Variants in FUT8 observed in about 807,000 individuals in gnomAD.
FUT8 encodes the protein fucosyltransferase 8.
A neutral mutation model predicts 71.3 loss-of-function variants in FUT8; 29 were observed. The observed-to-expected ratio is 0.41, with a 90% CI of 0.30 to 0.55. The LOEUF (loss-of-function observed/expected upper bound fraction) is 0.55. FUT8 is among the 20% of genes least tolerant of loss of function. The pLI, the probability that FUT8 is intolerant of heterozygous loss-of-function variation, is 0.34. For synonymous variants in FUT8, 254 were observed against 239.3 expected (o/e 1.06, Z -0.57); for missense variants, 544 against 702.1 (o/e 0.77, Z 2.55).
intron 1 of FUT8, among the ~76,000 whole-genome samples, chr14:65,423,160 AT>A (rs1427878198): frequency 1.4e-5 from 2 of 144,930 alleles, no homozygotes; most frequent in African/African-American, 2.6e-5. Context: ...TAATTTTTGT[AT>A]TTTTTGTAGA....
intron 6 of FUT8, among the ~76,000 whole-genome samples, chr14:65,640,326 A>C (rs1218237406): frequency 6.6e-6 from 1 of 152,054 alleles, no homozygotes; most frequent in Non-Finnish European, 1.5e-5. Context: ...AGTTTTATAA[A>C]ATTATAGTTA....
At chr14:65,507,666 T>G (rs1160984423) in intron 2 of FUT8, among the ~76,000 whole-genome samples, 1 of 152,248 alleles carries the variant, frequency 6.6e-6, no homozygotes, top group African/African-American at 2.4e-5. Flanking sequence ...TACTCCACTG[T>G]GTATATGTAC....
At chr14:65,683,720 G>A (rs1365754630) in intron 7 of FUT8, among the ~76,000 whole-genome samples, 2 of 151,998 alleles carry the variant, frequency 1.3e-5, no homozygotes, top group Non-Finnish European at 2.9e-5. Context: ...AAATATTCCA[G>A]ACACCAAAAA....
chr14:65,665,271 C>A (rs965399198), intron 6 of FUT8, among the ~76,000 whole-genome samples: 1 of 152,088 alleles, frequency 6.6e-6, no homozygotes, highest in African/African-American at 2.4e-5. Flanking sequence ...TAGAGTTTTT[C>A]TTTTAAGATA....
chr14:65,668,663 C>A (rs768007941), intron 6 of FUT8, among the ~76,000 whole-genome samples: 1 of 152,158 alleles, frequency 6.6e-6, no homozygotes. Context: ...TTTGACCCCG[C>A]AATCCCGTTT....
the FUT8 span, among the ~76,000 whole-genome samples, chr14:65,398,818 A>T: frequency 6.6e-6 from 1 of 152,168 alleles, no homozygotes; most frequent in Non-Finnish European, 1.5e-5. Flanking sequence ...TTTCATCTGC[A>T]TGTGACACTA....
rs1454458418 is a variant in FUT8 at position 65,550,378 on chromosome 14, A to G, written c.-227-10959A>G. ...CTTAGCCTACCTTAAATGTGCCCAGAACACTTATATTAGCCTACAGTTGGA... is the reference window on the plus strand; with the variant it reads ...CTTAGCCTACCTTAAATGTGCCCAGGACACTTATATTAGCCTACAGTTGGA... On this transcript the variant is annotated intron_variant, in intron 2 of 10. Coordinates refer to ENST00000673929, the MANE Select transcript of FUT8 (RefSeq NM_001371533.1). This position sits in a 1 kb window ranked among gnomAD's most constrained non-coding sequence, Gnocchi z 4.5. Among the ~76,000 whole-genome samples, 1 of 152,210 alleles carries G rather than the reference A, an allele frequency of 6.6e-6. No homozygotes were observed. The highest frequency in any genetic ancestry group is 1.5e-5 in the Non-Finnish European group (1 of 68,028).
At chr14:65,690,964 G>A (rs1893550727) in intron 7 of FUT8, among the ~76,000 whole-genome samples, 1 of 144,934 alleles carries the variant, frequency 6.9e-6, no homozygotes, top group South Asian at 2.1e-4. Context: ...GACCTCAGGT[G>A]ATCTACCTGC....
intron 7 of FUT8, among the ~76,000 whole-genome samples, chr14:65,684,165 AT>A (rs1257354618): frequency 1.3e-5 from 2 of 152,066 alleles, no homozygotes; most frequent in African/African-American, 2.4e-5. Flanking sequence ...GACTTCTACT[AT>A]AATAACTATA....
chr14:65,687,954 T>C (rs937381470), intron 7 of FUT8, among the ~76,000 whole-genome samples: 5 of 152,226 alleles, frequency 3.3e-5, no homozygotes, highest in Non-Finnish European at 7.3e-5. Context: ...GGTCATGAAC[T>C]CCTGGCTTGA....
chr14:65,641,854 T>C (rs1305101619), intron 6 of FUT8, among the ~76,000 whole-genome samples: 1 of 151,988 alleles, frequency 6.6e-6, no homozygotes, highest in Non-Finnish European at 1.5e-5. Flanking sequence ...TTAAATCTTC[T>C]GCCTATTTTT....
At chr14:65,389,951 G>A in the FUT8 span, among the ~76,000 whole-genome samples, 2,700 of 151,156 alleles carry the variant, frequency 0.018, 82 homozygotes, top group African/African-American at 0.062. Flanking sequence ...GACCATCCTG[G>A]CCAACATGGT....
intron 2 of FUT8, among the ~76,000 whole-genome samples, chr14:65,499,223 A>AT (rs1236374928): frequency 1.3e-5 from 2 of 151,690 alleles, no homozygotes; most frequent in East Asian, 1.9e-4. Flanking sequence ...ACCTGGCTGA[A>AT]TTTTTTTTTA....
At chr14:65,701,651 G>A (rs1443010002) in intron 7 of FUT8, among the ~76,000 whole-genome samples, 1 of 152,150 alleles carries the variant, frequency 6.6e-6, no homozygotes, top group Non-Finnish European at 1.5e-5. Flanking sequence ...GGGGATCCCA[G>A]TATGAACCCA....
intron 2 of FUT8, among the ~76,000 whole-genome samples, chr14:65,485,471 G>C (rs1426764612): frequency 6.6e-6 from 1 of 152,118 alleles, no homozygotes; most frequent in African/African-American, 2.4e-5. Flanking sequence ...TCACTACTGA[G>C]GCAAGACCTT....
At chr14:65,442,106 C>T (rs1194571021) in intron 1 of FUT8, among the ~76,000 whole-genome samples, 1 of 151,792 alleles carries the variant, frequency 6.6e-6, no homozygotes, top group Non-Finnish European at 1.5e-5. Flanking sequence ...CAGAGGGCTC[C>T]CTAGATAATT....
rs370301992 is a variant in FUT8 at position 65,652,671 on chromosome 14, A to G, written c.598-16572A>G. On this transcript the variant is annotated intron_variant, in intron 6 of 10. Coordinates refer to ENST00000673929, the MANE Select transcript of FUT8 (RefSeq NM_001371533.1). The surrounding 1 kb of genome is among the most constrained non-coding windows in gnomAD (Gnocchi z 4.0). ...TTTTTTTTTAAATACAACCAAAAGC[A>G]GTCTTAACTGATGCACAAGCCAGGT... Among the ~76,000 whole-genome samples, 135 of 152,142 alleles carry G rather than the reference A, an allele frequency of 8.9e-4. 1 individual carries two copies. Among genetic ancestry groups the G allele is most frequent in the South Asian group, 4.6e-3 (22 of 4,822 alleles).
intron 1 of FUT8, among the ~76,000 whole-genome samples, chr14:65,427,351 A>C (rs946055576): frequency 2.6e-5 from 4 of 152,146 alleles, no homozygotes; most frequent in African/African-American, 9.7e-5. Flanking sequence ...TATTTTTAAT[A>C]TTTTGAGGAA....
chr14:65,547,272 T>C (rs1326580335), intron 2 of FUT8, among the ~76,000 whole-genome samples: 1 of 151,690 alleles, frequency 6.6e-6, no homozygotes, highest in Non-Finnish European at 1.5e-5. Context: ...TGTGAACCTT[T>C]TACGTATTTC....
Sources: allele counts gnomAD v4.1 joint callset (sites outside exome capture counted in the v4.1 genomes callset), GRCh38; gene constraint gnomAD v4.1.1; non-coding constraint Gnocchi (gnomAD v3.1); transcripts MANE v1.5; gene names NCBI Gene and HGNC (gene_info 2026-07-23, HGNC 2026-07-21).